Variants in PAX7 observed in about 807,000 individuals in gnomAD.
PAX7 encodes the protein paired box protein Pax-7.
Under a neutral mutation model 50.7 loss-of-function variants are expected in PAX7, and 18 were observed. The observed-to-expected ratio is 0.36, with a 90% confidence interval of 0.25 to 0.53. The LOEUF is 0.53. PAX7 is among the 20% of genes least tolerant of loss of function. The pLI is 0.93. For missense variants in PAX7, 644 were observed against 702.9 expected (o/e 0.92, Z 0.95); for synonymous variants, 310 against 290.4 (o/e 1.07, Z -0.69).
At chr1:18,662,626 A>C (rs942073218) in intron 4 of PAX7, among the ~76,000 whole-genome samples, 12 of 152,220 alleles carry the variant, frequency 7.9e-5, no homozygotes, top group African/African-American at 2.7e-4. Flanking sequence ...GCTGAAGTGC[A>C]GTGGCACAAT....
intron 5 of PAX7, among the ~76,000 whole-genome samples, chr1:18,699,593 GCTTGTCGC>G (rs1323593652): frequency 6.8e-6 from 1 of 148,006 alleles, no homozygotes; most frequent in Non-Finnish European, 1.5e-5. Flanking sequence ...GCAGAGTCTC[GCTTGTCGC>G]CCAGGCTGGA....
intron 4 of PAX7, among the ~76,000 whole-genome samples, chr1:18,662,017 T>A (rs2088607166): frequency 6.6e-6 from 1 of 151,848 alleles, no homozygotes. Flanking sequence ...TTTGTTTATT[T>A]TGGGGGCCCT....
rs1326449220 is a variant in PAX7 at position 18,644,812 on chromosome 1, A to T, written c.586+8441A>T. Among the ~76,000 whole-genome samples the T allele has an allele frequency of 1.2e-3, 188 of 152,312 alleles. 1 individual carries two copies. The highest frequency in any genetic ancestry group is 1.5e-5 in the Non-Finnish European group (1 of 68,038). ...GAAGTGTTTATATGCTGATATAAGC[A>T]CGTGTACTATGCTCCCCCTTTTACC... On this transcript the variant is annotated intron_variant, in intron 4 of 8. Transcript: ENST00000420770.
intron 4 of PAX7, among the ~76,000 whole-genome samples, chr1:18,661,170 C>T (rs1399239353): frequency 2.0e-5 from 3 of 152,124 alleles, no homozygotes; most frequent in Non-Finnish European, 2.9e-5. Context: ...TGGGTCCATC[C>T]CTGCCCTCAG....
chr1:18,674,876 G>A (rs1256445443), intron 4 of PAX7, among the ~76,000 whole-genome samples: 1 of 152,168 alleles, frequency 6.6e-6, no homozygotes, highest in Non-Finnish European at 1.5e-5. Context: ...GCATCATCTG[G>A]GAACTTGCTG....
rs1324837470 is a variant in PAX7 at position 18,634,855 on chromosome 1, C to T, written c.322-256C>T. 6.6e-6 allele frequency among the ~76,000 whole-genome samples: 1 copy of T among 152,066 alleles called. No homozygotes were observed. Among genetic ancestry groups the T allele is most frequent in the African/African-American group, 2.4e-5 (1 of 41,380 alleles). On this transcript the variant is annotated intron_variant, in intron 2 of 8. Coordinates refer to ENST00000420770, the MANE Select transcript of PAX7 (RefSeq NM_001135254.2). This position sits in a 1 kb window ranked among gnomAD's most constrained non-coding sequence, Gnocchi z 4.0. ...TCTTTCCTGAGATAATGACGGGGAC[C>T]CTGGGGGTCCTAATTAGAGTTTTTT... is the stretch of plus-strand genomic sequence containing the variant.
At chr1:18,720,124 C>T (rs964929319) in intron 7 of PAX7, among the ~76,000 whole-genome samples, 2 of 152,218 alleles carry the variant, frequency 1.3e-5, no homozygotes, top group African/African-American at 4.8e-5. Flanking sequence ...CCTTGCTACT[C>T]CAAGTCTGTT....
At chr1:18,744,340 G>A (rs1570253419) in intron 8 of PAX7, among the ~76,000 whole-genome samples, 1 of 152,154 alleles carries the variant, frequency 6.6e-6, no homozygotes, top group Non-Finnish European at 1.5e-5. Context: ...ACTTACCAGG[G>A]AGCTGGGCAC....
chr1:18,719,554 G>T (rs2236821), intron 7 of PAX7, among the ~76,000 whole-genome samples: 2 of 152,158 alleles, frequency 1.3e-5, no homozygotes, highest in Admixed American at 1.3e-4. Context: ...TTAAGGTCCC[G>T]TGAGGGCCCT....
At chr1:18,662,786 A>C (rs1023946611) in intron 4 of PAX7, among the ~76,000 whole-genome samples, 2 of 152,002 alleles carry the variant, frequency 1.3e-5, no homozygotes, top group African/African-American at 4.8e-5. Context: ...GTTGGCCAGG[A>C]TGGTCTAAAT....
intron 7 of PAX7, among the ~76,000 whole-genome samples, chr1:18,733,607 C>A (rs1198909393): frequency 1.3e-5 from 2 of 152,114 alleles, no homozygotes; most frequent in Non-Finnish European, 2.9e-5. Context: ...GGGGAGACCC[C>A]CAGGGCTGAG....
chr1:18,683,976 T>C (rs1194627968), intron 4 of PAX7, among the ~76,000 whole-genome samples: 4 of 152,208 alleles, frequency 2.6e-5, no homozygotes, highest in African/African-American at 9.7e-5. Context: ...TCTCTGTTAT[T>C]ATCTGTGTTT....
rs548764685 is a variant in PAX7, at chr1:18,726,547, G to A, written c.1156-9085G>A. Among the ~76,000 whole-genome samples the A allele has an allele frequency of 5.9e-5, 9 of 152,254 alleles. No individual in the cohort carries two copies. The highest frequency in any genetic ancestry group is 3.9e-4 in the East Asian group (2 of 5,180). On this transcript the variant is annotated intron_variant, in intron 7 of 8. Coordinates refer to ENST00000420770, the MANE Select transcript of PAX7 (RefSeq NM_001135254.2). The surrounding 1 kb of genome is among the most constrained non-coding windows in gnomAD (Gnocchi z 4.8). The stretch of plus-strand genomic sequence containing the variant: ...GCACGTCATGGCCAAATCCAGGCAC[G>A]TCATGGCCACAAGAAAACAACAAAC...
intron 4 of PAX7, among the ~76,000 whole-genome samples, chr1:18,669,484 C>T (rs537522734): frequency 1.5e-4 from 23 of 152,286 alleles, no homozygotes; most frequent in Admixed American, 3.3e-4. Context: ...CACTGACTGC[C>T]GTGTGACCTC....
chr1:18,744,659 C>CGGATGGATGGAT lies in PAX7; in HGVS notation c.1403-138_1403-127dup, dbSNP rs57915192. On this transcript the variant is annotated intron_variant, in intron 8 of 8. Transcript: ENST00000420770. ...TGAAAGAATGGATGAGTAGACAGGACGGATGGATGGATGGATGGATGGATG... is the reference window on the plus strand; with the variant it reads ...TGAAAGAATGGATGAGTAGACAGGACGGATGGATGGATGGATGGATGGATGGATGGATGGATG... Among the ~76,000 whole-genome samples, 139 of 90,980 alleles carry CGGATGGATGGAT rather than the reference C, an allele frequency of 1.5e-3. 4 individuals carry two copies. In the Middle Eastern group the frequency reaches 0.019, roughly 12 times the overall value. 59.7% of individuals were successfully genotyped at this position (90,980 alleles called of 152,430 possible). A position where few individuals can be genotyped will look rare whatever the true frequency, so the allele number is the denominator to read the frequency against.
intron 7 of PAX7, among the ~76,000 whole-genome samples, chr1:18,724,824 G>A (rs1373891782): frequency 6.6e-6 from 1 of 152,088 alleles, no homozygotes; most frequent in Non-Finnish European, 1.5e-5. Context: ...TCTGATCCTG[G>A]CCCTCCCTTG....
intron 8 of PAX7, among the ~76,000 whole-genome samples, chr1:18,741,463 A>AGAAG (rs112450195): frequency 2.0e-5 from 3 of 149,494 alleles, no homozygotes; most frequent in East Asian, 2.0e-4. Flanking sequence ...AAGAAAAAAA[A>AGAAG]AAAGAAAGAA....
Position 18,747,844 on chromosome 1 carries a change from G to T in PAX7, c.*2915G>T. On this transcript the variant is annotated 3_prime_UTR_variant, in exon 9 of 9. Transcript: ENST00000420770. The stretch of plus-strand genomic sequence containing the variant: ...TAAAAAAGGAAAGAAATCCCCCACA[G>T]TGTGTGTCGTGCTAGTGCCAGAGAC... The T allele has an allele frequency of 5.2e-6, 1 of 191,106 alleles. No individual in the cohort carries two copies. Among genetic ancestry groups the T allele is most frequent in the South Asian group, 1.9e-4 (1 of 5,154 alleles). 11.8% of individuals were successfully genotyped at this position (191,106 alleles called of 1,614,324 possible).
At chr1:18,645,904 G>A (rs2088330398) in intron 4 of PAX7, among the ~76,000 whole-genome samples, 1 of 152,156 alleles carries the variant, frequency 6.6e-6, no homozygotes, top group African/African-American at 2.4e-5. Context: ...CAGGAAGCTG[G>A]TCTCTAAGCC....
Sources: gnomAD v4.1 joint callset for allele counts (sites outside exome capture counted in the v4.1 genomes callset) on GRCh38, gnomAD v4.1.1 for gene constraint, Gnocchi (gnomAD v3.1) non-coding constraint, MANE v1.5 for transcripts, NCBI Gene and HGNC (gene_info 2026-07-23, HGNC 2026-07-21) for gene names.